The following TTLL5 variants were observed in gnomAD, a reference collection of about 807,000 sequenced individuals.
The protein encoded by TTLL5 is tubulin polyglutamylase TTLL5.
TTLL5 carries 132 observed loss-of-function variants against 168.4 expected under a neutral mutation model. That is an observed-to-expected ratio of 0.78 (90% CI 0.68 to 0.91). The LOEUF is 0.91. TTLL5 is among the 40% of genes least tolerant of loss of function. TTLL5 has a pLI of 0.00. For synonymous variants in TTLL5, 546 were observed against 558.6 expected (o/e 0.98, Z 0.32); for missense variants, 1,545 against 1,581.5 (o/e 0.98, Z 0.39).
intron 2 of TTLL5, among the ~76,000 whole-genome samples, chr14:75,664,161 T>C (rs1202272725): frequency 3.3e-5 from 5 of 152,304 alleles, no homozygotes; most frequent in Non-Finnish European, 5.9e-5. Context: ...ATCTATATCT[T>C]ATATCTTTTT....
At chr14:75,775,103 T>C (rs1277883260) in intron 21 of TTLL5, among the ~76,000 whole-genome samples, 1 of 152,036 alleles carries the variant, frequency 6.6e-6, no homozygotes, top group Non-Finnish European at 1.5e-5. Context: ...CTCTGTCTTC[T>C]CACCTTTGAT....
At chr14:75,854,621 C>T (rs1897040490) in intron 28 of TTLL5, among the ~76,000 whole-genome samples, 1 of 152,142 alleles carries the variant, frequency 6.6e-6, no homozygotes, top group South Asian at 2.1e-4. Flanking sequence ...TCATTTTACA[C>T]CCCCGTCAGC....
At chr14:75,933,529 C>T (rs565854287) in intron 31 of TTLL5, among the ~76,000 whole-genome samples, 1 of 152,340 alleles carries the variant, frequency 6.6e-6, no homozygotes, top group African/African-American at 2.4e-5. Flanking sequence ...AACTGAGTGT[C>T]TCTGGCTCAA....
At chr14:75,723,349 A>G (rs1165425597) in intron 12 of TTLL5, among the ~76,000 whole-genome samples, 4 of 152,198 alleles carry the variant, frequency 2.6e-5, no homozygotes, top group African/African-American at 9.7e-5. Flanking sequence ...GTGGCCTGAC[A>G]GTAGACTTCC....
intron 3 of TTLL5, among the ~76,000 whole-genome samples, chr14:75,676,395 G>A (rs1273488792): frequency 5.3e-5 from 8 of 152,084 alleles, no homozygotes; most frequent in Non-Finnish European, 8.8e-5. Flanking sequence ...TTGAAGCATC[G>A]TGAGTGACAG....
chr14:75,849,513 A>C (rs1435453575), intron 28 of TTLL5, among the ~76,000 whole-genome samples: 1 of 152,232 alleles, frequency 6.6e-6, no homozygotes, highest in African/African-American at 2.4e-5. Context: ...TTAGACGCCG[A>C]ATATATAAAC....
At chr14:75,776,905 C>G (rs557764326) in intron 23 of TTLL5, 55 bp downstream of exon 23, 1 of 1,355,622 alleles carries the variant, frequency 7.4e-7, no homozygotes, top group African/African-American at 1.4e-5. Flanking sequence ...CCATAATGCT[C>G]ATTGAGTACC....
chr14:75,736,031 G>A (rs1314843826), intron 15 of TTLL5, among the ~76,000 whole-genome samples: 1 of 152,004 alleles, frequency 6.6e-6, no homozygotes, highest in African/African-American at 2.4e-5. Context: ...AGACATTTTG[G>A]AAGTCTTTTC....
At chr14:75,906,160 A>AG (rs777769035) in intron 31 of TTLL5, among the ~76,000 whole-genome samples, 1 of 152,242 alleles carries the variant, frequency 6.6e-6, no homozygotes, top group Non-Finnish European at 1.5e-5. Context: ...CAAAACCCTA[A>AG]GGATCTAGAT....
At position 75,853,134 on chromosome 14, in the gene TTLL5, A is replaced by G. The variant is rs114380082; in HGVS notation, c.3327-10533A>G. ...GACTTTTATTATCAATATATCATCA[A>G]GCTTACTTTCAGAGCCAACCATTCT... On this transcript the variant is annotated intron_variant, in intron 28 of 31. Transcript: ENST00000298832. 3.4e-3 allele frequency among the ~76,000 whole-genome samples: 515 copies of G among 152,314 alleles called. 3 individuals carry two copies. The highest frequency in any genetic ancestry group is 0.012 in the African/African-American group (481 of 41,554).
At chr14:75,718,062 AT>A (rs1368799981) in intron 10 of TTLL5, 100 bp downstream of exon 10, 1 of 936,898 alleles carries the variant, frequency 1.1e-6, no homozygotes, top group African/African-American at 1.6e-5. Context: ...ACAACTTTAC[AT>A]TAATGTCCAT....
intron 6 of TTLL5, 24 bp downstream of exon 6, chr14:75,690,346 C>G: frequency 6.4e-7 from 1 of 1,573,994 alleles, no homozygotes; most frequent in Non-Finnish European, 8.6e-7. Context: ...AGAGAATGCC[C>G]CAGTCCCCAG....
At chr14:75,770,179 GAAAAAAAA>G (rs56876692) in intron 20 of TTLL5, among the ~76,000 whole-genome samples, 2 of 85,030 alleles carry the variant, frequency 2.4e-5, no homozygotes, top group African/African-American at 5.0e-5. Flanking sequence ...ACTCTGTCTC[GAAAAAAAA>G]AAAAAAAAAA....
At chr14:75,889,196 A>G (rs183557833) in intron 30 of TTLL5, among the ~76,000 whole-genome samples, 13 of 152,340 alleles carry the variant, frequency 8.5e-5, no homozygotes, top group Non-Finnish European at 1.6e-4. Context: ...GAAATTGGCC[A>G]CTGCAGAAAA....
chr14:75,750,459 C>T (rs575689669), intron 17 of TTLL5, among the ~76,000 whole-genome samples: 76 of 150,072 alleles, frequency 5.1e-4, no homozygotes, highest in Middle Eastern at 3.4e-3. Flanking sequence ...TCTGCCACCC[C>T]GAGACAGCAA....
intron 28 of TTLL5, among the ~76,000 whole-genome samples, chr14:75,843,081 C>G (rs147644633): frequency 8.4e-4 from 128 of 152,248 alleles, no homozygotes; most frequent in African/African-American, 2.8e-3. Context: ...CTGACCAGTC[C>G]AGGATATTTT....
intron 30 of TTLL5, chr14:75,886,995 G>T: frequency 1.4e-6 from 2 of 1,392,416 alleles, no homozygotes; most frequent in South Asian, 3.4e-5. Context: ...AAGAAACACA[G>T]ACTGAACTGC....
intron 26 of TTLL5, among the ~76,000 whole-genome samples, chr14:75,788,106 C>T (rs1023428112): frequency 3.3e-5 from 5 of 151,836 alleles, no homozygotes; most frequent in East Asian, 1.9e-4. Context: ...GGCAACATAG[C>T]GAGATCCCAT....
chr14:75,895,185 T>C (rs914323923), intron 30 of TTLL5, among the ~76,000 whole-genome samples: 1 of 152,210 alleles, frequency 6.6e-6, no homozygotes, highest in African/African-American at 2.4e-5. Context: ...AAAAAACATT[T>C]TATATGCAAC....
Sources: allele counts gnomAD v4.1 joint callset (sites outside exome capture counted in the v4.1 genomes callset), GRCh38; gene constraint gnomAD v4.1.1; transcripts MANE v1.5; gene names NCBI Gene and HGNC (gene_info 2026-07-23, HGNC 2026-07-21).